The following VTA1 variants were observed in gnomAD, a reference collection of about 807,000 sequenced individuals.
VTA1 encodes the protein vacuolar protein sorting-associated protein VTA1 homolog.
Under a neutral mutation model 36.9 loss-of-function variants are expected in VTA1, and 24 were observed. The observed-to-expected ratio is 0.65, with a 90% confidence interval of 0.47 to 0.91. The LOEUF (loss-of-function observed/expected upper bound fraction) is 0.91. Among genes scored for constraint, VTA1 ranks in the 40% least tolerant of loss-of-function variants. The pLI is 0.00. For missense variants in VTA1, 393 were observed against 377.2 expected, an observed-to-expected ratio of 1.04 and a Z score of -0.35; for synonymous variants, 142 against 130.2, an observed-to-expected ratio of 1.09 and a Z score of -0.62.
chr6:142,178,185 C>G (rs1199763477), intron 4 of VTA1, among the ~76,000 whole-genome samples: 3 of 151,976 alleles, frequency 2.0e-5, no homozygotes, highest in African/African-American at 7.2e-5. Flanking sequence ...AAAAAGCAGC[C>G]TTGAGAAAAT....
intron 5 of VTA1, among the ~76,000 whole-genome samples, chr6:142,197,923 A>G (rs927540669): frequency 1.0e-3 from 156 of 151,430 alleles, no homozygotes; most frequent in Middle Eastern, 3.4e-3. Flanking sequence ...AAATACAAAA[A>G]AAAAAAAACC....
At chr6:142,170,187 A>G (rs945235280) in intron 3 of VTA1, among the ~76,000 whole-genome samples, 159 bp from the exon 4 acceptor site, 4 of 152,220 alleles carry the variant, frequency 2.6e-5, no homozygotes, top group African/African-American at 9.6e-5. Flanking sequence ...ACAGATTAGA[A>G]AACCATTTTT....
Position 142,147,308 on chromosome 6 carries a change from G to C in VTA1, c.21G>C (p.Leu7=), listed in dbSNP as rs534572941. 4.3e-6 allele frequency: 7 copies of C among 1,614,196 alleles called. No homozygotes were observed. Among genetic ancestry groups the C allele is most frequent in the South Asian group, 1.1e-5 (1 of 91,084 alleles). The change falls in exon 1 of 8, where the codon CTG becomes CTC. Residue 7 remains leucine (L), a synonymous_variant. Coordinates refer to ENST00000367630, the MANE Select transcript of VTA1 (RefSeq NM_016485.5). ...TAGAGATGGCCGCGCTTGCACCGCT[G>C]CCCCCGCTCCCCGCACAGTTCAAGA... MAALAP[L]PPLPAQFKSI...
intron 7 of VTA1, among the ~76,000 whole-genome samples, chr6:142,218,144 C>A (rs1264868653): frequency 6.6e-6 from 1 of 151,918 alleles, no homozygotes; most frequent in East Asian, 1.9e-4. Context: ...CATTCCAGCT[C>A]AAATGAGGGT....
At chr6:142,151,905 G>A (rs1034564242) in intron 1 of VTA1, among the ~76,000 whole-genome samples, 2 of 152,104 alleles carry the variant, frequency 1.3e-5, no homozygotes, top group South Asian at 4.1e-4. Context: ...GTGGTGGCAG[G>A]TGCCTGTAAT....
chr6:142,153,700 A>G (rs956316866), intron 1 of VTA1, among the ~76,000 whole-genome samples: 1 of 152,090 alleles, frequency 6.6e-6, no homozygotes, highest in Admixed American at 6.5e-5. Flanking sequence ...TAATAGGCTT[A>G]TTGTTTATGT....
At chr6:142,148,487 A>G (rs370227739) in intron 1 of VTA1, among the ~76,000 whole-genome samples, 25 of 152,198 alleles carry the variant, frequency 1.6e-4, no homozygotes, top group Admixed American at 1.2e-3. Flanking sequence ...TTTTTATTAT[A>G]CTTGTTCTTC....
chr6:142,189,882 G>A (rs557482842), intron 5 of VTA1, among the ~76,000 whole-genome samples: 57 of 151,952 alleles, frequency 3.8e-4, no homozygotes, highest in African/African-American at 1.3e-3. Flanking sequence ...TCAGCCTCCC[G>A]AGTAGCTGGG....
At chr6:142,177,571 G>A (rs1347322195) in intron 4 of VTA1, among the ~76,000 whole-genome samples, 1 of 152,066 alleles carries the variant, frequency 6.6e-6, no homozygotes, top group Non-Finnish European at 1.5e-5. Context: ...ATGAACTAGG[G>A]TAAAAGATTA....
In VTA1 at chr6:142,198,533, A is replaced by G. The variant is rs199676462; in HGVS notation, c.615A>G (p.Pro205=). 6.2e-7 allele frequency: 1 copy of G among 1,614,172 alleles called. No homozygotes were observed. ...SSSTYDPSNM[P]SGNYTGIQIP... Reference sequence around the variant, plus strand: ...CAACTTATGACCCAAGCAACATGCCATCAGGCAACTATACTGGAATACAGA... The same window carrying G: ...CAACTTATGACCCAAGCAACATGCCGTCAGGCAACTATACTGGAATACAGA... The change falls in exon 6 of 8, where the codon CCA becomes CCG. Residue 205 remains proline, a synonymous_variant. Transcript: ENST00000367630.
chr6:142,180,544 GA>G (rs1383164797), intron 4 of VTA1, among the ~76,000 whole-genome samples: 3 of 151,994 alleles, frequency 2.0e-5, no homozygotes, highest in Non-Finnish European at 2.9e-5. Context: ...GTAGTAGGTG[GA>G]AAGTTTGATA....
chr6:142,166,417 G>A, intron 2 of VTA1, 95 bp downstream of exon 2: 1 of 871,364 alleles, frequency 1.1e-6, no homozygotes, highest in Non-Finnish European at 1.8e-6. Flanking sequence ...TCTTTCCCTT[G>A]GCAACAATCA....
At chr6:142,214,168 T>C (rs1775963434) in intron 7 of VTA1, among the ~76,000 whole-genome samples, 2 of 152,194 alleles carry the variant, frequency 1.3e-5, no homozygotes, top group Admixed American at 1.3e-4. Context: ...GAAATTTCTT[T>C]TGTCAGATAC....
intron 4 of VTA1, among the ~76,000 whole-genome samples, chr6:142,182,259 C>A (rs1421862481): frequency 6.6e-6 from 1 of 152,074 alleles, no homozygotes; most frequent in African/African-American, 2.4e-5. Context: ...GTACAAGCTA[C>A]CTATTCTTGT....
At chr6:142,194,833 G>A (rs1775516894) in intron 5 of VTA1, among the ~76,000 whole-genome samples, 1 of 152,022 alleles carries the variant, frequency 6.6e-6, no homozygotes, top group Admixed American at 6.6e-5. Context: ...TTTATTTCTA[G>A]GGTGCTGAGA....
In VTA1 at chr6:142,220,835, A is replaced by G. The variant is rs964198315; in HGVS notation, c.*2192A>G. The G allele has an allele frequency of 2.6e-5, 4 of 152,146 alleles. No individual in the cohort carries two copies. Among genetic ancestry groups the G allele is most frequent in the Admixed American group, 6.6e-5 (1 of 15,260 alleles). 9.4% of individuals were successfully genotyped at this position (152,146 alleles called of 1,614,324 possible). A position where few individuals can be genotyped will look rare whatever the true frequency, so the allele number is the denominator to read the frequency against. On this transcript the variant is annotated 3_prime_UTR_variant, in exon 8 of 8. Transcript: ENST00000367630. ...CATATATATTTACTGAATGGCTACT[A>G]TATGCCTGGTATTGTTCTTTGAAAG...
chr6:142,166,441 T>A, intron 2 of VTA1, 119 bp downstream of exon 2: 1 of 648,288 alleles, frequency 1.5e-6, no homozygotes. Flanking sequence ...AAAGCCATTA[T>A]ACCTGAGGAA....
intron 1 of VTA1, among the ~76,000 whole-genome samples, chr6:142,151,695 C>T (rs937451616): frequency 5.3e-5 from 8 of 152,212 alleles, no homozygotes; most frequent in African/African-American, 1.4e-4. Context: ...CTAAAATCTT[C>T]GGCTCTGAGG....
chr6:142,217,696 A>T lies in VTA1; in HGVS notation c.779-802A>T, dbSNP rs557811101. On this transcript the variant is annotated intron_variant, in intron 7 of 7. Transcript: ENST00000367630. ...CTGCTTGTTATAGTCTATGCCTCCCAGCCTTCTGATTAGTACTCCTGAGAA... is the reference window on the plus strand; with the variant it reads ...CTGCTTGTTATAGTCTATGCCTCCCTGCCTTCTGATTAGTACTCCTGAGAA... Among the ~76,000 whole-genome samples the T allele has an allele frequency of 4.1e-4, 63 of 152,126 alleles. No individual in the cohort carries two copies. In the Middle Eastern group the frequency reaches 0.014, roughly 33 times the overall value.
Sources: allele counts gnomAD v4.1 joint callset (sites outside exome capture counted in the v4.1 genomes callset), GRCh38; gene constraint gnomAD v4.1.1; transcripts MANE v1.5; gene names NCBI Gene and HGNC (gene_info 2026-07-23, HGNC 2026-07-21).